The following DNAH12 variants were observed in gnomAD, a reference collection of about 807,000 sequenced individuals.
DNAH12 encodes the protein dynein axonemal heavy chain 12, also known as axonemal beta dynein heavy chain 12.
DNAH12 carries 285 observed loss-of-function variants against 371.5 expected under a neutral mutation model. The ratio of observed to expected loss-of-function variants is 0.77; its 90% CI spans 0.70 to 0.85. The LOEUF is 0.85. DNAH12 is among the 40% of genes least tolerant of loss of function. The pLI is 0.00. For synonymous variants in DNAH12, 1,200 were observed against 1,213.0 expected (o/e 0.99, Z 0.22); for missense variants, 3,611 against 3,689.4 (o/e 0.98, Z 0.55).
At chr3:57,340,521 A>T (rs2062368043) in intron 60 of DNAH12, among the ~76,000 whole-genome samples, 1 of 152,164 alleles carries the variant, frequency 6.6e-6, no homozygotes, top group South Asian at 2.1e-4. Flanking sequence ...TATTATAAAC[A>T]ATTATAAACT....
intron 11 of DNAH12, among the ~76,000 whole-genome samples, chr3:57,499,821 G>C (rs1287482686): frequency 2.0e-5 from 3 of 147,612 alleles, no homozygotes; most frequent in African/African-American, 7.4e-5. Context: ...CTGGGCAAGA[G>C]AGTGAGACCC....
Position 57,322,371 on chromosome 3 carries a change from A to C in DNAH12, c.10496T>G (p.Phe3499Cys), listed in dbSNP as rs1242026266. Residue 3499 changes from phenylalanine to cysteine, a missense_variant, in exon 65 of 74, where the codon TTT becomes TGT. Around this residue, in one of 3 missense-constraint regions of DNAH12, gnomAD observed 2,266 missense variants for 2,236.9 expected, o/e 1.01. Transcript: ENST00000495027. ...TTCCTTTCCACGGCATCCCTTGAAAAACTCAGGATCAGAAACTGGATCAGT... is the reference window on the plus strand; with the variant it reads ...TTCCTTTCCACGGCATCCCTTGAAACACTCAGGATCAGAAACTGGATCAGT... ...YLTDPVSDPE[F>C]FKGCRGKELA... The C allele has an allele frequency of 3.9e-6, 6 of 1,551,564 alleles. No individual in the cohort carries two copies. In the East Asian group the frequency reaches 1.5e-4, roughly 38 times the overall value.
At position 57,352,179 on chromosome 3, in the gene DNAH12, G is replaced by A; in HGVS notation, c.9580C>T (p.His3194Tyr). 2.6e-6 allele frequency: 4 copies of A among 1,541,206 alleles called. No homozygotes were observed. The highest frequency in any genetic ancestry group is 3.5e-6 in the Non-Finnish European group (4 of 1,144,232). ...LEKRLRYLND[H>Y]FTYNLYCNIC... Reference sequence around the variant, plus strand: ...TTACAATATAAGTTGTATGTGAAGTGGTCATTTAAATATCGTAGGCGCTTT... The same window carrying A: ...TTACAATATAAGTTGTATGTGAAGTAGTCATTTAAATATCGTAGGCGCTTT... Residue 3194 changes from histidine to tyrosine, a missense_variant, in exon 60 of 74, where the codon CAC becomes TAC. This residue lies in a region of DNAH12 where 2,266 missense variants were observed against 2,236.9 expected (regional missense o/e 1.01). Coordinates refer to ENST00000495027, the MANE Select transcript of DNAH12 (RefSeq NM_001366028.2).
chr3:57,454,601 GGC>G (rs2088622592), intron 23 of DNAH12, among the ~76,000 whole-genome samples, 172 bp downstream of exon 23: 1 of 152,028 alleles, frequency 6.6e-6, no homozygotes, highest in Non-Finnish European at 1.5e-5. Flanking sequence ...CAGGCACAGT[GGC>G]TCATGCCTCT....
At chr3:57,370,464 T>C (rs1001081495) in intron 55 of DNAH12, among the ~76,000 whole-genome samples, 1 of 152,128 alleles carries the variant, frequency 6.6e-6, no homozygotes, top group Non-Finnish European at 1.5e-5. Context: ...AGACAGAAAG[T>C]GAGGAAGCTT....
chr3:57,403,534 A>G, intron 42 of DNAH12, 33 bp from the exon 43 acceptor site: 1 of 1,513,048 alleles, frequency 6.6e-7, no homozygotes. Context: ...TTAATGCATT[A>G]CAATATAAAT....
chr3:57,422,354 A>G (rs1450785356), intron 35 of DNAH12, among the ~76,000 whole-genome samples: 1 of 152,120 alleles, frequency 6.6e-6, no homozygotes, highest in Non-Finnish European at 1.5e-5. Context: ...CAGCCTCCCG[A>G]GTAGCTGGGA....
At chr3:57,502,972 G>A (rs750160183) in intron 9 of DNAH12, among the ~76,000 whole-genome samples, 1 of 152,172 alleles carries the variant, frequency 6.6e-6, no homozygotes, top group Non-Finnish European at 1.5e-5. Flanking sequence ...GAGCCATTGC[G>A]CCTGGCCTAT....
chr3:57,542,982 C>T (rs2069360797), intron 1 of DNAH12, 79 bp from the exon 2 acceptor site: 3 of 1,088,370 alleles, frequency 2.8e-6, no homozygotes, highest in Non-Finnish European at 2.5e-6. Context: ...CATATCAATA[C>T]CAAAAGTAAA....
In DNAH12 at chr3:57,532,481, G is replaced by A. The variant is rs369467478; in HGVS notation, c.171-8597C>T. Among the ~76,000 whole-genome samples, 35 of 152,190 alleles carry A rather than the reference G, an allele frequency of 2.3e-4. No individual in the cohort carries two copies. The East Asian group carries it at 2.9e-3, about 13-fold the overall frequency. ...TGGGCTTGTTTGTGTCTGTCCTTGG[G>A]AAGGCTTTCCAGGTATTTGAAGGAA... On this transcript the variant is annotated intron_variant, in intron 2 of 73. Transcript: ENST00000495027.
In DNAH12 at chr3:57,507,766, C is replaced by T; in HGVS notation, c.774G>A (p.Lys258=). 1 of 1,610,958 alleles carries T rather than the reference C, an allele frequency of 6.2e-7. No homozygotes were observed. Among genetic ancestry groups the T allele is most frequent in the Middle Eastern group, 1.7e-4 (1 of 6,054 alleles). ...CCTTTGGATACCATGTATTCATTAT[C>T]TTCTCTTCTGCGTTTCTAGTTTGTA... ...LSIQTRNAEE[K]IMNTWYPKVI... Residue 258 remains lysine, a synonymous_variant, in exon 8 of 74, where the codon AAG becomes AAA. Coordinates refer to ENST00000495027, the MANE Select transcript of DNAH12 (RefSeq NM_001366028.2).
intron 40 of DNAH12, 25 bp downstream of exon 40, chr3:57,408,255 C>T (rs1372860933): frequency 2.7e-6 from 4 of 1,494,344 alleles, no homozygotes; most frequent in Non-Finnish European, 2.7e-6. Context: ...AATACTAAAA[C>T]ATTTACATTG....
At chr3:57,333,466 G>A (rs1220409143) in intron 62 of DNAH12, among the ~76,000 whole-genome samples, 1 of 151,612 alleles carries the variant, frequency 6.6e-6, no homozygotes, top group Non-Finnish European at 1.5e-5. Context: ...GAATAGCTGG[G>A]ACTACAGGCA....
intron 66 of DNAH12, among the ~76,000 whole-genome samples, chr3:57,313,961 G>A (rs892306248): frequency 1.3e-5 from 2 of 152,122 alleles, no homozygotes; most frequent in Non-Finnish European, 2.9e-5. Context: ...GAGTGATTTT[G>A]GATTTGACTC....
Position 57,408,461 on chromosome 3 carries a change from C to T in DNAH12, c.6095G>A (p.Gly2032Asp). The change falls in exon 40 of 74, where the codon GGT becomes GAT. Residue 2032 changes from glycine to aspartate, a missense_variant. Around this residue, in one of 3 missense-constraint regions of DNAH12, gnomAD observed 2,266 missense variants for 2,236.9 expected, o/e 1.01. Coordinates refer to ENST00000495027, the MANE Select transcript of DNAH12 (RefSeq NM_001366028.2). ...ACGGGGAGTAACTGGATTTCTTCCA[C>T]CACCTGGAGGGCCCATTGCAGCAAT... Reference protein sequence around the residue: ...ELIAAMGPPGGGRNPVTPRCI... With the variant: ...ELIAAMGPPGDGRNPVTPRCI... The T allele has an allele frequency of 6.4e-7, 1 of 1,551,536 alleles. No homozygotes were observed. Among genetic ancestry groups the T allele is most frequent in the Non-Finnish European group, 8.7e-7 (1 of 1,146,902 alleles).
chr3:57,553,347 C>T, the DNAH12 span, among the ~76,000 whole-genome samples: 1 of 152,196 alleles, frequency 6.6e-6, no homozygotes, highest in Non-Finnish European at 1.5e-5. Flanking sequence ...CATGTGGCAT[C>T]CAGGACAGCT....
intron 2 of DNAH12, among the ~76,000 whole-genome samples, chr3:57,531,512 A>T (rs2068846089): frequency 6.6e-6 from 1 of 152,164 alleles, no homozygotes; most frequent in Admixed American, 6.5e-5. Context: ...CTGTAATCCC[A>T]GCACTTTAGG....
intron 29 of DNAH12, among the ~76,000 whole-genome samples, chr3:57,441,400 G>C (rs1054733371): frequency 6.6e-6 from 1 of 152,052 alleles, no homozygotes; most frequent in Non-Finnish European, 1.5e-5. Context: ...GAAAAAAAGA[G>C]GCATGAGAGA....
chr3:57,474,871 G>A (rs563045232), intron 13 of DNAH12, among the ~76,000 whole-genome samples: 204 of 152,118 alleles, frequency 1.3e-3, no homozygotes, highest in African/African-American at 4.2e-3. Flanking sequence ...AGGTACTCAG[G>A]AGGCTGAGAC....
Sources: allele counts gnomAD v4.1 joint callset (sites outside exome capture counted in the v4.1 genomes callset), GRCh38; gene constraint gnomAD v4.1.1; regional missense constraint gnomAD v4.1.1; transcripts MANE v1.5; gene names NCBI Gene and HGNC (gene_info 2026-07-23, HGNC 2026-07-21).